The following ZNF804B variants were observed in gnomAD, a reference collection of about 807,000 sequenced individuals.
The protein encoded by ZNF804B is zinc finger 804B.
A neutral mutation model predicts 101.4 loss-of-function variants in ZNF804B; 80 were observed. That is an observed-to-expected ratio of 0.79 (90% CI 0.66 to 0.95). ZNF804B has a LOEUF of 0.95. ZNF804B is among the 40% of genes least tolerant of loss of function. The probability of loss-of-function intolerance (pLI) is 0.00; values close to 1 mark genes in which losing one functional copy is unlikely to be tolerated. For synonymous variants in ZNF804B, 622 were observed against 558.8 expected (o/e 1.11, Z -1.59); for missense variants, 1,673 against 1,561.9 (o/e 1.07, Z -1.20).
At chr7:89,304,619 TTGTTAAAGTGTTTG>T (rs1790533920) in intron 2 of ZNF804B, among the ~76,000 whole-genome samples, 1 of 151,938 alleles carries the variant, frequency 6.6e-6, no homozygotes, top group Admixed American at 6.6e-5. Context: ...AAGTTCAATG[TTGTTAAAGTGTTTG>T]TCTTCAAACT....
chr7:89,181,938 C>A (rs1158626986), intron 1 of ZNF804B, among the ~76,000 whole-genome samples: 1 of 152,034 alleles, frequency 6.6e-6, no homozygotes, highest in Non-Finnish European at 1.5e-5. Context: ...CCTAAGAGAC[C>A]CTTTATATAC....
intron 1 of ZNF804B, among the ~76,000 whole-genome samples, chr7:88,841,734 T>G (rs1185720063): frequency 6.6e-6 from 1 of 152,174 alleles, no homozygotes; most frequent in East Asian, 1.9e-4. Context: ...TAAGGACAGT[T>G]GAGGGCTGTG....
intron 1 of ZNF804B, among the ~76,000 whole-genome samples, chr7:88,987,253 C>T (rs1021350932): frequency 2.0e-5 from 3 of 152,054 alleles, no homozygotes; most frequent in African/African-American, 4.8e-5. Context: ...ATTATTACAC[C>T]ATTGTGAGGA....
At chr7:89,082,432 C>A (rs1467014100) in intron 1 of ZNF804B, among the ~76,000 whole-genome samples, 1 of 151,046 alleles carries the variant, frequency 6.6e-6, no homozygotes, top group African/African-American at 2.4e-5. Flanking sequence ...TCTCTATTTT[C>A]CATTTAAATT....
At chr7:89,006,600 C>A (rs1190086274) in intron 1 of ZNF804B, among the ~76,000 whole-genome samples, 1 of 151,810 alleles carries the variant, frequency 6.6e-6, no homozygotes, top group African/African-American at 2.4e-5. Context: ...TAAAGTATAG[C>A]ACAATTGATG....
intron 1 of ZNF804B, among the ~76,000 whole-genome samples, chr7:88,901,338 C>T (rs548066141): frequency 1.3e-5 from 2 of 151,898 alleles, no homozygotes; most frequent in African/African-American, 4.8e-5. Flanking sequence ...AATTCATCTT[C>T]TCAACTCATT....
At chr7:88,927,855 T>C (rs1363041362) in intron 1 of ZNF804B, among the ~76,000 whole-genome samples, 1 of 152,150 alleles carries the variant, frequency 6.6e-6, no homozygotes, top group Non-Finnish European at 1.5e-5. Context: ...AACATGCACT[T>C]ATGGGTTTTT....
At chr7:89,057,242 C>T (rs1221128368) in intron 1 of ZNF804B, among the ~76,000 whole-genome samples, 1 of 152,114 alleles carries the variant, frequency 6.6e-6, no homozygotes, top group Non-Finnish European at 1.5e-5. Context: ...AGTGGGGATA[C>T]AAATGGTCAG....
Position 89,153,206 on chromosome 7 carries a change from G to T in ZNF804B, c.109-64949G>T, listed in dbSNP as rs78700602. On this transcript the variant is annotated intron_variant, in intron 1 of 3. Transcript: ENST00000333190. ...GAGGCAATGAGGAGGGGTAAAAAAA[G>T]AATCATGAGGAAAAATGACTTGAGT... 8.2e-3 allele frequency among the ~76,000 whole-genome samples: 1,245 copies of T among 151,838 alleles called. 15 individuals carry two copies. The highest frequency in any genetic ancestry group is 0.014 in the Non-Finnish European group (953 of 67,928).
chr7:89,098,746 T>C (rs185863655), intron 1 of ZNF804B, among the ~76,000 whole-genome samples: 89 of 152,260 alleles, frequency 5.8e-4, no homozygotes, highest in African/African-American at 2.0e-3. Context: ...TATCTAAAAC[T>C]TGTCATTCCT....
chr7:89,294,536 T>G (rs960110572), intron 2 of ZNF804B, among the ~76,000 whole-genome samples: 2 of 152,142 alleles, frequency 1.3e-5, no homozygotes, highest in African/African-American at 2.4e-5. Context: ...GAAATATGTC[T>G]AATTGCTTTT....
chr7:89,008,676 C>T (rs2116188327), intron 1 of ZNF804B, among the ~76,000 whole-genome samples: 1 of 152,174 alleles, frequency 6.6e-6, no homozygotes, highest in South Asian at 2.1e-4. Flanking sequence ...GAATACCTTA[C>T]CCCTACTTAA....
intron 2 of ZNF804B, among the ~76,000 whole-genome samples, chr7:89,227,697 A>G (rs559282370): frequency 2.0e-5 from 3 of 152,140 alleles, no homozygotes; most frequent in Non-Finnish European, 2.9e-5. Context: ...CCATAGAGCC[A>G]TCTCTCTGAG....
chr7:88,918,324 A>T (rs2115991340), intron 1 of ZNF804B, among the ~76,000 whole-genome samples: 1 of 152,248 alleles, frequency 6.6e-6, no homozygotes, highest in Non-Finnish European at 1.5e-5. Context: ...TGTGTTTGTA[A>T]TTTTTTGGTT....
intron 2 of ZNF804B, among the ~76,000 whole-genome samples, chr7:89,289,969 A>G (rs1790260383): frequency 6.6e-6 from 1 of 152,126 alleles, no homozygotes; most frequent in East Asian, 1.9e-4. Context: ...TCACTTGAGG[A>G]AGGGAGAGAG....
chr7:89,329,198 C>G (rs1041888499), intron 3 of ZNF804B, among the ~76,000 whole-genome samples: 4 of 151,650 alleles, frequency 2.6e-5, no homozygotes, highest in African/African-American at 9.7e-5. Context: ...TCACAATGTG[C>G]CCGTATTGTT....
At chr7:88,843,921 T>C (rs17164688) in intron 1 of ZNF804B, among the ~76,000 whole-genome samples, 3,929 of 152,186 alleles carry the variant, frequency 0.026, 133 homozygotes, top group African/African-American at 0.072. Flanking sequence ...TAACAATACC[T>C]GGTAAACTTC....
intron 1 of ZNF804B, among the ~76,000 whole-genome samples, chr7:88,830,519 C>A (rs898861994): frequency 6.6e-6 from 1 of 151,924 alleles, no homozygotes; most frequent in African/African-American, 2.4e-5. Context: ...AATGTTAACA[C>A]ACCCTTACAT....
At chr7:89,035,778 C>G (rs532305486) in intron 1 of ZNF804B, among the ~76,000 whole-genome samples, 1 of 150,688 alleles carries the variant, frequency 6.6e-6, no homozygotes, top group East Asian at 1.9e-4. Context: ...GAAAAACATT[C>G]AAATGTCATA....
Sources: gnomAD v4.1 joint callset for allele counts (sites outside exome capture counted in the v4.1 genomes callset) on GRCh38, gnomAD v4.1.1 for gene constraint, MANE v1.5 for transcripts, NCBI Gene and HGNC (gene_info 2026-07-23, HGNC 2026-07-21) for gene names.